Variants in GORASP2 observed in about 807,000 individuals in gnomAD.
GORASP2 encodes golgi reassembly stacking protein 2.
In GORASP2, 22 loss-of-function variants were observed where a neutral mutation model predicts 45.7. The ratio of observed to expected loss-of-function variants is 0.48; its 90% confidence interval spans 0.34 to 0.69. GORASP2 has a LOEUF of 0.69. Ranked by LOEUF, GORASP2 falls within the 30% of genes least tolerant of loss-of-function variation. GORASP2 has a pLI of 0.01. For missense variants in GORASP2, 491 were observed against 562.7 expected (o/e 0.87, Z 1.29); for synonymous variants, 221 against 215.6 (o/e 1.02, Z -0.22).
intron 1 of GORASP2, among the ~76,000 whole-genome samples, chr2:170,930,943 A>C (rs1255169487): frequency 6.7e-6 from 1 of 150,116 alleles, no homozygotes; most frequent in African/African-American, 2.4e-5. Flanking sequence ...CACTCAGGGA[A>C]ACTCAGTAAA....
chr2:170,961,876 T>A (rs745747475), intron 8 of GORASP2, 127 bp downstream of exon 8: 3 of 696,606 alleles, frequency 4.3e-6, no homozygotes, highest in Non-Finnish European at 7.9e-6. Flanking sequence ...AGTTTATCTC[T>A]GCAATAAGTT....
At chr2:170,945,209 C>G (rs1277992788) in intron 1 of GORASP2, among the ~76,000 whole-genome samples, 1 of 152,006 alleles carries the variant, frequency 6.6e-6, no homozygotes, top group Non-Finnish European at 1.5e-5. Flanking sequence ...CCCTGTAATC[C>G]TAGTGCTTTG....
intron 1 of GORASP2, among the ~76,000 whole-genome samples, chr2:170,937,556 GT>G (rs1703984951): frequency 6.6e-6 from 1 of 151,832 alleles, no homozygotes; most frequent in South Asian, 2.1e-4. Flanking sequence ...GTAGTCCCAG[GT>G]ACTCAGGAGG....
intron 7 of GORASP2, among the ~76,000 whole-genome samples, chr2:170,959,025 A>G (rs896661487): frequency 1.3e-5 from 2 of 148,718 alleles, no homozygotes; most frequent in South Asian, 4.2e-4. Flanking sequence ...CAATGGCGCT[A>G]TCTCAGCTCA....
intron 8 of GORASP2, among the ~76,000 whole-genome samples, chr2:170,962,523 A>G (rs1275714071): frequency 6.6e-6 from 1 of 152,256 alleles, no homozygotes; most frequent in Non-Finnish European, 1.5e-5. Context: ...TGCCATATCT[A>G]CTGAAACAAA....
intron 2 of GORASP2, among the ~76,000 whole-genome samples, chr2:170,949,203 A>G (rs1704242247): frequency 6.6e-6 from 1 of 152,244 alleles, no homozygotes; most frequent in Non-Finnish European, 1.5e-5. Flanking sequence ...GATTTTTATA[A>G]TCAAAGTCAT....
chr2:170,957,242 C>CA (rs1491111239), intron 7 of GORASP2, among the ~76,000 whole-genome samples: 1 of 151,360 alleles, frequency 6.6e-6, no homozygotes, highest in East Asian at 1.9e-4. Flanking sequence ...CTGAGGAGCT[C>CA]AGTCTTGCTT....
intron 1 of GORASP2, among the ~76,000 whole-genome samples, chr2:170,946,040 C>G (rs1374606596): frequency 6.6e-6 from 1 of 151,936 alleles, no homozygotes; most frequent in African/African-American, 2.4e-5. Flanking sequence ...GAGACAGGGT[C>G]TCGCCCTGTC....
intron 1 of GORASP2, among the ~76,000 whole-genome samples, chr2:170,938,033 C>G (rs1160313352): frequency 6.6e-6 from 1 of 152,178 alleles, no homozygotes; most frequent in South Asian, 2.1e-4. Context: ...CCACTTCTAC[C>G]TTTTCCACTA....
intron 1 of GORASP2, among the ~76,000 whole-genome samples, chr2:170,941,581 A>G (rs993615522): frequency 5.3e-5 from 8 of 152,144 alleles, no homozygotes; most frequent in Admixed American, 3.9e-4. Context: ...AGCATAGATG[A>G]GTTTGGCCTG....
chr2:170,958,752 G>A (rs1214969815), intron 7 of GORASP2, among the ~76,000 whole-genome samples: 1 of 147,780 alleles, frequency 6.8e-6, no homozygotes, highest in African/African-American at 2.5e-5. Flanking sequence ...GCAACCTCTG[G>A]CTCCCAGGTT....
chr2:170,942,743 A>G (rs891141730), intron 1 of GORASP2, among the ~76,000 whole-genome samples: 2 of 152,234 alleles, frequency 1.3e-5, no homozygotes, highest in African/African-American at 4.8e-5. Context: ...TTGCTGGATC[A>G]TGTGATAACT....
Position 170,951,329 on chromosome 2 carries a change from C to A in GORASP2, c.437C>A (p.Ser146Tyr). ...TTTTCTCCTGTGACACTTTTGCAGT[C>A]TGAAGATCTATTCAGCCTTATCGAA... ...IIGADTVMNE[S>Y]EDLFSLIETH... Residue 146 changes from serine (S) to tyrosine (Y), a missense_variant and splice_region_variant, in exon 5 of 10, where the codon TCT becomes TAT. By Grantham distance (144) the Ser-to-Tyr change is moderately radical (BLOSUM62 -2). This residue lies in a region of GORASP2 where 194 missense variants were observed against 270.4 expected (regional missense o/e 0.72). Coordinates refer to ENST00000234160, the MANE Select transcript of GORASP2 (RefSeq NM_015530.5). The A allele has an allele frequency of 6.3e-7, 1 of 1,596,318 alleles. No individual in the cohort carries two copies. The highest frequency in any genetic ancestry group is 1.1e-5 in the South Asian group (1 of 87,836).
intron 1 of GORASP2, among the ~76,000 whole-genome samples, chr2:170,940,249 C>T (rs552655245): frequency 2.0e-5 from 3 of 152,294 alleles, no homozygotes; most frequent in African/African-American, 7.2e-5. Context: ...ATCCTGTGTG[C>T]TGCAAGTTGC....
chr2:170,942,069 G>A (rs149942189), intron 1 of GORASP2, among the ~76,000 whole-genome samples: 323 of 152,172 alleles, frequency 2.1e-3, no homozygotes, highest in African/African-American at 7.4e-3. Context: ...TTGCATTGTG[G>A]TTTTAATTTG....
chr2:170,930,225 C>T (rs780237853), intron 1 of GORASP2, among the ~76,000 whole-genome samples: 4 of 152,238 alleles, frequency 2.6e-5, no homozygotes, highest in Non-Finnish European at 4.4e-5. Context: ...AGCTAAGCCC[C>T]TACCTATGAA....
At chr2:170,929,715 TCTC>T (rs1183252444) in intron 1 of GORASP2, 2 of 589,584 alleles carry the variant, frequency 3.4e-6, no homozygotes, top group Non-Finnish European at 6.5e-6. Flanking sequence ...CGGCCTTCTC[TCTC>T]CTCCACCCCC....
chr2:170,934,734 TTTTGTTTG>T (rs1001104297), intron 1 of GORASP2, among the ~76,000 whole-genome samples: 1 of 152,062 alleles, frequency 6.6e-6, no homozygotes, highest in Non-Finnish European at 1.5e-5. Context: ...TTTTTTTCTT[TTTTGTTTG>T]TTTGTTTGTT....
Position 170,951,329 on chromosome 2 carries a change from C to G in GORASP2, c.437C>G (p.Ser146Cys), listed in dbSNP as rs1346448190. 3 of 1,596,200 alleles carry G rather than the reference C, an allele frequency of 1.9e-6. No individual in the cohort carries two copies. Among genetic ancestry groups the G allele is most frequent in the Admixed American group, 1.8e-5 (1 of 55,428 alleles). Reference sequence around the variant, plus strand: ...TTTTCTCCTGTGACACTTTTGCAGTCTGAAGATCTATTCAGCCTTATCGAA... The same window carrying G: ...TTTTCTCCTGTGACACTTTTGCAGTGTGAAGATCTATTCAGCCTTATCGAA... ...IIGADTVMNE[S>C]EDLFSLIETH... The change falls in exon 5 of 10, where the codon TCT becomes TGT. Residue 146 changes from serine to cysteine, a missense_variant and splice_region_variant. Physicochemically the swap from Ser to Cys is moderately radical, Grantham distance 112. Coordinates refer to ENST00000234160, the MANE Select transcript of GORASP2 (RefSeq NM_015530.5).
Sources: gnomAD v4.1 joint callset for allele counts (sites outside exome capture counted in the v4.1 genomes callset) on GRCh38, gnomAD v4.1.1 for gene constraint, gnomAD v4.1.1 regional missense constraint, MANE v1.5 for transcripts, NCBI Gene and HGNC (gene_info 2026-07-23, HGNC 2026-07-21) for gene names.